Variants in KCNG3 observed in about 807,000 individuals in gnomAD.
KCNG3 encodes the protein potassium voltage-gated channel modifier subfamily G member 3.
Under a neutral mutation model 29.0 loss-of-function variants are expected in KCNG3, and 15 were observed. The ratio of observed to expected loss-of-function variants is 0.52; its 90% CI spans 0.35 to 0.80. The LOEUF (loss-of-function observed/expected upper bound fraction) is 0.80, where lower values mean the gene tolerates loss of function less well. Among genes scored for constraint, KCNG3 ranks in the 30% least tolerant of loss-of-function variants. KCNG3 has a pLI of 0.01. For missense variants in KCNG3, 512 were observed against 605.7 expected, an observed-to-expected ratio of 0.85 and a Z score of 1.62; for synonymous variants, 322 against 248.9, an observed-to-expected ratio of 1.29 and a Z score of -2.76.
downstream of KCNG3, among the ~76,000 whole-genome samples, chr2:42,438,712 T>G (rs1485780765): frequency 1.3e-5 from 2 of 152,248 alleles, no homozygotes; most frequent in East Asian, 3.8e-4. Context: ...TTGGAAGATC[T>G]AGAAAAATCT....
chr2:42,437,844 C>G (rs569813548), downstream of KCNG3, among the ~76,000 whole-genome samples: 259 of 149,256 alleles, frequency 1.7e-3, 1 homozygote, highest in African/African-American at 6.1e-3. Context: ...AGGCTGAGGC[C>G]GGAGAATTGC....
intron 1 of KCNG3, among the ~76,000 whole-genome samples, chr2:42,488,019 A>T (rs1170112207): frequency 2.0e-5 from 3 of 152,220 alleles, no homozygotes; most frequent in Admixed American, 6.5e-5. Context: ...GTAAATATAT[A>T]TAATGTACTT....
At chr2:42,421,069 T>A in the KCNG3 span, among the ~76,000 whole-genome samples, 1 of 152,116 alleles carries the variant, frequency 6.6e-6, no homozygotes, top group African/African-American at 2.4e-5. Flanking sequence ...AGAACACAAA[T>A]CATGAAACAA....
intron 1 of KCNG3, among the ~76,000 whole-genome samples, chr2:42,453,141 T>C (rs1417543385): frequency 6.6e-6 from 1 of 152,236 alleles, no homozygotes; most frequent in Non-Finnish European, 1.5e-5. Flanking sequence ...TGAATAGTGC[T>C]GTAACAAACA....
At chr2:42,489,393 A>T (rs1673816443) in intron 1 of KCNG3, among the ~76,000 whole-genome samples, 3 of 152,150 alleles carry the variant, frequency 2.0e-5, no homozygotes, top group African/African-American at 7.2e-5. Context: ...CTTCTCAATC[A>T]ATCAACAAAA....
At chr2:42,487,614 C>T (rs766733242) in intron 1 of KCNG3, among the ~76,000 whole-genome samples, 22 of 152,104 alleles carry the variant, frequency 1.4e-4, no homozygotes, top group Non-Finnish European at 2.5e-4. Context: ...AGATCAAATA[C>T]TTTGCAGAGT....
chr2:42,441,285 G>A (rs1672474104), downstream of KCNG3, among the ~76,000 whole-genome samples: 1 of 152,106 alleles, frequency 6.6e-6, no homozygotes, highest in Admixed American at 6.6e-5. Flanking sequence ...CAACTTGGGA[G>A]GCTGGGGTGG....
chr2:42,448,872 G>A (rs966643756), intron 1 of KCNG3, among the ~76,000 whole-genome samples: 18 of 152,042 alleles, frequency 1.2e-4, no homozygotes, highest in African/African-American at 4.1e-4. Context: ...CAGCTACTTG[G>A]GAGGCTGAGG....
At chr2:42,423,441 C>T in the KCNG3 span, among the ~76,000 whole-genome samples, 1 of 152,180 alleles carries the variant, frequency 6.6e-6, no homozygotes, top group African/African-American at 2.4e-5. Context: ...CTAATCTGAC[C>T]TCTGCCCACC....
At chr2:42,425,846 C>G in the KCNG3 span, among the ~76,000 whole-genome samples, 1 of 152,098 alleles carries the variant, frequency 6.6e-6, no homozygotes, top group African/African-American at 2.4e-5. Context: ...GCTTCATTCA[C>G]CAGTAGTTTA....
chr2:42,436,932 T>C, the KCNG3 span, among the ~76,000 whole-genome samples: 2 of 152,154 alleles, frequency 1.3e-5, no homozygotes, highest in Non-Finnish European at 2.9e-5. Flanking sequence ...AAAATGAAAT[T>C]TTTTTTAAAA....
At chr2:42,400,187 A>C in the KCNG3 span, among the ~76,000 whole-genome samples, 1 of 152,118 alleles carries the variant, frequency 6.6e-6, no homozygotes, top group African/African-American at 2.4e-5. Context: ...CACTTCAAGG[A>C]GCAAAGGGAA....
At chr2:42,389,619 G>C in the KCNG3 span, among the ~76,000 whole-genome samples, 1 of 152,168 alleles carries the variant, frequency 6.6e-6, no homozygotes, top group Admixed American at 6.5e-5. Context: ...AGCATGAGGA[G>C]TTTCTGAAAA....
intron 1 of KCNG3, among the ~76,000 whole-genome samples, chr2:42,453,215 C>T (rs1016499500): frequency 6.6e-6 from 1 of 152,198 alleles, no homozygotes; most frequent in African/African-American, 2.4e-5. Context: ...TACACCCACT[C>T]AACAGTGGGA....
intron 1 of KCNG3, among the ~76,000 whole-genome samples, chr2:42,461,083 C>T (rs1010890421): frequency 6.7e-6 from 1 of 149,488 alleles, no homozygotes; most frequent in African/African-American, 2.5e-5. Flanking sequence ...ATGGCGTGAA[C>T]TCAGGAGGTG....
chr2:42,473,553 T>C (rs565832966), intron 1 of KCNG3, among the ~76,000 whole-genome samples: 1 of 152,052 alleles, frequency 6.6e-6, no homozygotes, highest in East Asian at 2.0e-4. Flanking sequence ...TTTCACCATG[T>C]TGGCCAGGCT....
At chr2:42,462,387 G>A (rs1673041061) in intron 1 of KCNG3, among the ~76,000 whole-genome samples, 1 of 152,174 alleles carries the variant, frequency 6.6e-6, no homozygotes, top group Admixed American at 6.5e-5. Flanking sequence ...ATGGGAACAG[G>A]TCATGAAGAT....
At chr2:42,484,341 A>G (rs1673666182) in intron 1 of KCNG3, among the ~76,000 whole-genome samples, 1 of 152,196 alleles carries the variant, frequency 6.6e-6, no homozygotes, top group Non-Finnish European at 1.5e-5. Context: ...GCACACCTGT[A>G]GTCCCAGCTA....
At chr2:42,396,618 C>A in the KCNG3 span, among the ~76,000 whole-genome samples, 1 of 152,144 alleles carries the variant, frequency 6.6e-6, no homozygotes, top group Admixed American at 6.5e-5. Flanking sequence ...TGGGGAGAAC[C>A]AGTTCAAGAC....
Sources: allele counts gnomAD v4.1 joint callset (sites outside exome capture counted in the v4.1 genomes callset), GRCh38; gene constraint gnomAD v4.1.1; transcripts MANE v1.5; gene names NCBI Gene and HGNC (gene_info 2026-07-23, HGNC 2026-07-21).